Variants in INPP5B observed in about 807,000 individuals in gnomAD.
The protein encoded by INPP5B is inositol polyphosphate-5-phosphatase B.
A neutral mutation model predicts 118.5 loss-of-function variants in INPP5B; 90 were observed. That is an observed-to-expected ratio of 0.76 (90% confidence interval 0.64 to 0.90). INPP5B has a LOEUF of 0.90. Ranked by LOEUF, INPP5B falls within the 40% of genes least tolerant of loss-of-function variation. The pLI, the probability that INPP5B is intolerant of heterozygous loss-of-function variation, is 0.00. For missense variants in INPP5B, 984 were observed against 1,125.6 expected, an observed-to-expected ratio of 0.87 and a Z score of 1.80; for synonymous variants, 385 against 418.9, an observed-to-expected ratio of 0.92 and a Z score of 0.99.
At chr1:37,886,580 A>T (rs570222511) in intron 12 of INPP5B, among the ~76,000 whole-genome samples, 7 of 152,224 alleles carry the variant, frequency 4.6e-5, no homozygotes, top group Non-Finnish European at 8.8e-5. Context: ...TACTGTCAGC[A>T]TTCTTTGTTT....
At chr1:37,902,272 C>T (rs905869214) in intron 7 of INPP5B, among the ~76,000 whole-genome samples, 2 of 152,186 alleles carry the variant, frequency 1.3e-5, no homozygotes, top group Non-Finnish European at 2.9e-5. Flanking sequence ...CAGGCGTGAG[C>T]CACCTCACCC....
At chr1:37,883,922 A>C (rs1408213878) in intron 13 of INPP5B, 4 of 886,860 alleles carry the variant, frequency 4.5e-6, no homozygotes, top group Non-Finnish European at 5.4e-6. Context: ...TAAGGCTTTG[A>C]CTTTAGACAA....
At chr1:37,902,587 C>T (rs1204707311) in intron 7 of INPP5B, among the ~76,000 whole-genome samples, 4 of 151,972 alleles carry the variant, frequency 2.6e-5, no homozygotes, top group Admixed American at 6.6e-5. Context: ...GATGTTGTTT[C>T]GCTCTTGTTA....
chr1:37,895,865 A>G (rs1484496424), intron 7 of INPP5B, among the ~76,000 whole-genome samples: 1 of 151,460 alleles, frequency 6.6e-6, no homozygotes, highest in East Asian at 1.9e-4. Flanking sequence ...GCTCGCTACA[A>G]CCTCCACCTC....
chr1:37,868,444 G>T, intron 20 of INPP5B, 57 bp downstream of exon 20: 1 of 1,143,322 alleles, frequency 8.7e-7, no homozygotes, highest in Non-Finnish European at 1.3e-6. Context: ...TCTTGGGGCT[G>T]ATGGTCCTCA....
chr1:37,923,910 G>A (rs187095959), intron 7 of INPP5B, among the ~76,000 whole-genome samples: 6 of 151,724 alleles, frequency 4.0e-5, no homozygotes, highest in East Asian at 1.9e-4. Flanking sequence ...CAAGTGGCAC[G>A]CAGATTACAG....
chr1:37,903,281 C>T (rs962158584), intron 7 of INPP5B, among the ~76,000 whole-genome samples: 5 of 152,152 alleles, frequency 3.3e-5, no homozygotes, highest in Admixed American at 6.5e-5. Context: ...AAGATGGCCA[C>T]GAGAATGACC....
Position 37,940,122 on chromosome 1 carries a change from T to C in INPP5B, c.391+566A>G, listed in dbSNP as rs1348756689. Among the ~76,000 whole-genome samples, 4 of 152,172 alleles carry C rather than the reference T, an allele frequency of 2.6e-5. No individual in the cohort carries two copies. The East Asian group carries it at 5.8e-4, about 22-fold the overall frequency. The stretch of plus-strand genomic sequence containing the variant: ...GTAAACATTTAAGCCCCAGCACCTG[T>C]TGGCTTGAATTTGCATGTTCTATGA... On this transcript the variant is annotated intron_variant, in intron 6 of 23. Transcript: ENST00000373024.
At position 37,885,729 on chromosome 1, in the gene INPP5B, T is replaced by G; in HGVS notation, c.1228A>C (p.Arg410=). ...ATGTCCTTATAGTCCTGGTTCCTCC[T>G]CTCATACTCTTCAATGTGGGCTGCC... ...HLAAHIEEYE[R]RNQDYKDICS... is the part of the protein sequence containing the mutation. Residue 410 remains arginine (R), a synonymous_variant, in exon 13 of 24, where the codon AGG becomes CGG. Transcript: ENST00000373024. 6.2e-7 allele frequency: 1 copy of G among 1,614,182 alleles called. No homozygotes were observed. The highest frequency in any genetic ancestry group is 8.5e-7 in the Non-Finnish European group (1 of 1,180,024).
chr1:37,886,287 A>AGGC (rs1245590981), intron 12 of INPP5B, among the ~76,000 whole-genome samples: 1 of 151,918 alleles, frequency 6.6e-6, no homozygotes, highest in East Asian at 1.9e-4. Context: ...AAAAAAAAGA[A>AGGC]GGCAGAATGA....
At chr1:37,894,370 T>C (rs1643939247) in intron 7 of INPP5B, among the ~76,000 whole-genome samples, 1 of 152,148 alleles carries the variant, frequency 6.6e-6, no homozygotes, top group Non-Finnish European at 1.5e-5. Context: ...TTGATTGCTG[T>C]GTACTGTAGG....
intron 3 of INPP5B, among the ~76,000 whole-genome samples, chr1:37,944,862 T>C (rs1248219629): frequency 6.6e-6 from 1 of 152,104 alleles, no homozygotes; most frequent in Non-Finnish European, 1.5e-5. Context: ...CAAGCAATCT[T>C]CCTGCCTCAG....
intron 2 of INPP5B, 88 bp from the exon 3 acceptor site, chr1:37,945,938 C>T (rs75191155): frequency 7.6e-5 from 93 of 1,223,674 alleles, no homozygotes; most frequent in African/African-American, 6.7e-4. Context: ...CCCCTGCCCC[C>T]CCAGATTCAC....
intron 7 of INPP5B, chr1:37,931,665 C>T: frequency 1.3e-6 from 2 of 1,522,594 alleles, no homozygotes; most frequent in Middle Eastern, 3.4e-4. Context: ...TCCCGCCGCC[C>T]GCCGAACCTG....
Position 37,943,646 on chromosome 1 carries a change from T to A in INPP5B, c.274A>T (p.Ile92Phe), listed in dbSNP as rs1387891170. The A allele has an allele frequency of 3.1e-6, 5 of 1,613,916 alleles. No homozygotes were observed. Among genetic ancestry groups the A allele is most frequent in the Non-Finnish European group, 4.2e-6 (5 of 1,179,948 alleles). Residue 92 changes from isoleucine to phenylalanine, a missense_variant, in exon 5 of 24, where the codon ATC (isoleucine) becomes TTC (phenylalanine). Transcript: ENST00000373024. ...GACCAAGAGGACCACTCACCAAGGA[T>A]GTAGAGTTCACCATCTGGGGACACT... is the stretch of plus-strand genomic sequence containing the variant. ...EEVSPDGELY[I>F]LGSDVTVQLD... is the part of the protein sequence containing the mutation.
intron 19 of INPP5B, among the ~76,000 whole-genome samples, chr1:37,871,153 C>G (rs1358332096): frequency 2.6e-5 from 2 of 78,326 alleles, no homozygotes; most frequent in Admixed American, 1.7e-4. Flanking sequence ...GTAAGACTGT[C>G]TCAAAAAAAA....
intron 14 of INPP5B, among the ~76,000 whole-genome samples, chr1:37,881,781 TTTAA>T (rs760457480): frequency 5.9e-5 from 9 of 152,114 alleles, no homozygotes; most frequent in Non-Finnish European, 1.3e-4. Flanking sequence ...AATCTTTTTC[TTTAA>T]TTAATCTGCA....
intron 7 of INPP5B, among the ~76,000 whole-genome samples, chr1:37,896,898 A>G (rs1178416099): frequency 4.2e-4 from 37 of 87,486 alleles, no homozygotes; most frequent in East Asian, 8.0e-4. Context: ...CCATCCGGGA[A>G]GTGAGGGGCG....
intron 7 of INPP5B, among the ~76,000 whole-genome samples, chr1:37,895,502 CCT>C (rs758323086): frequency 1.3e-5 from 2 of 151,568 alleles, no homozygotes; most frequent in East Asian, 1.9e-4. Flanking sequence ...CCTCCCCCTC[CCT>C]CTCTCTCTCC....
Sources: allele counts gnomAD v4.1 joint callset (sites outside exome capture counted in the v4.1 genomes callset), GRCh38; gene constraint gnomAD v4.1.1; transcripts MANE v1.5; gene names NCBI Gene and HGNC (gene_info 2026-07-23, HGNC 2026-07-21).